SV2C: variants seen among roughly 807,000 people sequenced by gnomAD.
SV2C encodes the protein synaptic vesicle glycoprotein 2C, also known as solute carrier family 22 member B3.
In SV2C, 49 loss-of-function variants were observed where a neutral mutation model predicts 79.7. That is an observed-to-expected ratio of 0.61 (90% CI 0.49 to 0.78). SV2C has a LOEUF of 0.78. Ranked by LOEUF, SV2C falls within the 30% of genes least tolerant of loss-of-function variation. SV2C has a pLI of 0.00. For synonymous variants in SV2C, 334 were observed against 333.2 expected (o/e 1.00, Z -0.03); for missense variants, 833 against 912.9 (o/e 0.91, Z 1.13).
At chr5:75,994,524 A>T in the SV2C span, among the ~76,000 whole-genome samples, 3 of 152,106 alleles carry the variant, frequency 2.0e-5, no homozygotes, top group Admixed American at 2.0e-4. Flanking sequence ...CTTTGCCATA[A>T]AGTGAGGGCA....
chr5:76,314,639 C>T (rs1233946458), intron 12 of SV2C, among the ~76,000 whole-genome samples: 2 of 152,190 alleles, frequency 1.3e-5, no homozygotes, highest in African/African-American at 4.8e-5. Context: ...CATCCCAATC[C>T]TGTAAGAGTA....
At chr5:76,272,354 T>C (rs16873292) in intron 4 of SV2C, among the ~76,000 whole-genome samples, 11,575 of 152,286 alleles carry the variant, frequency 0.076, 504 homozygotes, top group Middle Eastern at 0.13. Context: ...AGAGAGCTTT[T>C]GTTGATCATG....
chr5:76,014,470 T>A, the SV2C span, among the ~76,000 whole-genome samples: 1 of 152,164 alleles, frequency 6.6e-6, no homozygotes, highest in Non-Finnish European at 1.5e-5. Flanking sequence ...GAAAAAAAAA[T>A]TCTGTTTTCA....
At chr5:76,257,378 G>A (rs568792081) in intron 4 of SV2C, among the ~76,000 whole-genome samples, 1 of 151,458 alleles carries the variant, frequency 6.6e-6, no homozygotes, top group South Asian at 2.1e-4. Flanking sequence ...GTTGGGGTGT[G>A]GGGGGTGCGT....
At chr5:76,124,189 C>G (rs1014148899) in intron 1 of SV2C, among the ~76,000 whole-genome samples, 2 of 152,026 alleles carry the variant, frequency 1.3e-5, no homozygotes, top group Non-Finnish European at 2.9e-5. Context: ...GTTGTGCAAC[C>G]AACACTACCA....
At chr5:76,081,779 C>A (rs1166122518), upstream of SV2C, among the ~76,000 whole-genome samples, 1 of 152,142 alleles carries the variant, frequency 6.6e-6, no homozygotes, top group African/African-American at 2.4e-5. Flanking sequence ...GAGTTGTCTC[C>A]ATTTTCTTCT....
the SV2C span, among the ~76,000 whole-genome samples, chr5:76,065,007 T>C: frequency 6.6e-6 from 1 of 152,180 alleles, no homozygotes; most frequent in Non-Finnish European, 1.5e-5. Context: ...CTGCCTTTGT[T>C]ATGTGAGTGG....
At chr5:76,119,524 G>A (rs1748409648) in intron 1 of SV2C, among the ~76,000 whole-genome samples, 1 of 152,046 alleles carries the variant, frequency 6.6e-6, no homozygotes, top group African/African-American at 2.4e-5. Context: ...AGAAGGGACA[G>A]TCCACAACTG....
At chr5:76,094,116 T>A (rs1013899561) in intron 1 of SV2C, among the ~76,000 whole-genome samples, 1 of 152,160 alleles carries the variant, frequency 6.6e-6, no homozygotes, top group Non-Finnish European at 1.5e-5. Flanking sequence ...ATAAATAAAA[T>A]GTCTTTGGAG....
At chr5:75,974,105 A>G in the SV2C span, among the ~76,000 whole-genome samples, 1 of 151,918 alleles carries the variant, frequency 6.6e-6, no homozygotes, top group South Asian at 2.1e-4. Flanking sequence ...ATTATTATTT[A>G]TTTTAAGAAG....
intron 2 of SV2C, among the ~76,000 whole-genome samples, chr5:76,171,957 G>A (rs1272054084): frequency 3.0e-4 from 38 of 127,242 alleles, no homozygotes; most frequent in African/African-American, 9.2e-4. Context: ...CCCCCCGCCT[G>A]GCCAGCCGCC....
At chr5:76,186,378 C>G (rs1743918313) in intron 2 of SV2C, among the ~76,000 whole-genome samples, 1 of 152,226 alleles carries the variant, frequency 6.6e-6, no homozygotes, top group African/African-American at 2.4e-5. Context: ...AAAAAATACC[C>G]AAGACTGAGT....
At chr5:75,980,975 G>A in the SV2C span, among the ~76,000 whole-genome samples, 1 of 152,142 alleles carries the variant, frequency 6.6e-6, no homozygotes, top group Non-Finnish European at 1.5e-5. Context: ...CATACTCTCA[G>A]CCCAAAAGCT....
chr5:76,240,678 T>C (rs1053830124), intron 4 of SV2C, among the ~76,000 whole-genome samples: 6 of 152,208 alleles, frequency 3.9e-5, no homozygotes, highest in African/African-American at 9.7e-5. Flanking sequence ...TCAGTCTCTC[T>C]GATCCTTCCA....
At chr5:76,036,865 G>A in the SV2C span, among the ~76,000 whole-genome samples, 8 of 152,260 alleles carry the variant, frequency 5.3e-5, no homozygotes, top group East Asian at 1.9e-4. Context: ...CATTCTCCCT[G>A]TCACTTTCAG....
At chr5:76,090,994 T>C (rs1408870750) in intron 1 of SV2C, among the ~76,000 whole-genome samples, 3 of 152,178 alleles carry the variant, frequency 2.0e-5, no homozygotes, top group Non-Finnish European at 2.9e-5. Context: ...TAATATCACT[T>C]TTTAGTAGTT....
At chr5:75,969,832 A>G in the SV2C span, among the ~76,000 whole-genome samples, 1 of 152,102 alleles carries the variant, frequency 6.6e-6, no homozygotes, top group African/African-American at 2.4e-5. Flanking sequence ...CCTAATAGAC[A>G]TCTATAGAAC....
the SV2C span, among the ~76,000 whole-genome samples, chr5:75,948,304 T>C: frequency 6.6e-6 from 1 of 152,066 alleles, no homozygotes; most frequent in Non-Finnish European, 1.5e-5. Context: ...GGAATGATAA[T>C]TAAACAGCTT....
chr5:76,001,999 C>T, the SV2C span, among the ~76,000 whole-genome samples: 7 of 151,964 alleles, frequency 4.6e-5, no homozygotes, highest in South Asian at 2.1e-4. Flanking sequence ...CATTCTTATG[C>T]CTTTGTATCC....
Sources: gnomAD v4.1 joint callset for allele counts (sites outside exome capture counted in the v4.1 genomes callset) on GRCh38, gnomAD v4.1.1 for gene constraint, MANE v1.5 for transcripts, NCBI Gene and HGNC (gene_info 2026-07-23, HGNC 2026-07-21) for gene names.